The following WT1 variants were observed in gnomAD, a reference collection of about 807,000 sequenced individuals.
WT1 encodes the protein Wilms tumor protein.
A neutral mutation model predicts 60.8 loss-of-function variants in WT1; 8 were observed. The observed-to-expected ratio is 0.13, with a 90% CI of 0.08 to 0.24. The LOEUF (loss-of-function observed/expected upper bound fraction) is 0.24, where lower values mean the gene tolerates loss of function less well. Ranked by LOEUF, WT1 falls within the 10% of genes least tolerant of loss-of-function variation. The pLI, the probability that WT1 is intolerant of heterozygous loss-of-function variation, is 1.00. For synonymous variants in WT1, 312 were observed against 297.1 expected (o/e 1.05, Z -0.52); for missense variants, 568 against 711.8 (o/e 0.80, Z 2.30).
At chr11:32,399,547 T>C (rs1330096126) in intron 6 of WT1, among the ~76,000 whole-genome samples, 1 of 152,220 alleles carries the variant, frequency 6.6e-6, no homozygotes, top group Non-Finnish European at 1.5e-5. Flanking sequence ...ATGATGATCA[T>C]CAACACTTGG....
At chr11:32,400,891 G>A (rs1385971239) in intron 5 of WT1, among the ~76,000 whole-genome samples, 2 of 152,206 alleles carry the variant, frequency 1.3e-5, no homozygotes, top group Non-Finnish European at 2.9e-5. Context: ...ACCGAGGAGA[G>A]CTCTTATGAA....
intron 4 of WT1, 65 bp from the exon 5 acceptor site, chr11:32,416,605 A>T: frequency 6.3e-7 from 1 of 1,593,074 alleles, no homozygotes; most frequent in Non-Finnish European, 8.6e-7. Flanking sequence ...AGCCCCCCAG[A>T]TCCCAGAATC....
chr11:32,391,455 C>T (rs748621568), intron 9 of WT1, among the ~76,000 whole-genome samples: 1 of 152,212 alleles, frequency 6.6e-6, no homozygotes, highest in South Asian at 2.1e-4. Context: ...ATGCCCTATT[C>T]TCCTCTCTGT....
At chr11:32,426,445 C>T (rs1853038835) in intron 3 of WT1, among the ~76,000 whole-genome samples, 1 of 152,206 alleles carries the variant, frequency 6.6e-6, no homozygotes, top group African/African-American at 2.4e-5. Context: ...AGAATAGGTG[C>T]GAATCCTGCC....
chr11:32,416,569 G>A (rs1426984902), intron 4 of WT1, 29 bp from the exon 5 acceptor site: 2 of 1,613,780 alleles, frequency 1.2e-6, no homozygotes, highest in African/African-American at 1.3e-5. Flanking sequence ...TGGGGAGTGG[G>A]GAATGGAGCA....
intron 3 of WT1, among the ~76,000 whole-genome samples, chr11:32,426,194 G>T (rs1422812512): frequency 6.6e-6 from 1 of 152,018 alleles, no homozygotes; most frequent in South Asian, 2.1e-4. Flanking sequence ...CTCCCATATC[G>T]ACAGTGCCCA....
chr11:32,428,990 G>A (rs1233312929), intron 1 of WT1: 1 of 350,898 alleles, frequency 2.8e-6, no homozygotes, highest in Non-Finnish European at 5.5e-6. Flanking sequence ...ATAAACTGCA[G>A]CTCTTCCGCA....
chr11:32,428,072 C>T lies in WT1; in HGVS notation c.785-14G>A, dbSNP rs375514482. ...ACTGCTGCTCACCTGCAGAGAGAAC[C>T]GAAGACAGCTGAGCGAGTGCGCCCC... On this transcript the variant is annotated splice_polypyrimidine_tract_variant and intron_variant, in intron 2 of 9. Coordinates refer to ENST00000452863, the MANE Select transcript of WT1 (RefSeq NM_024426.6). The T allele has an allele frequency of 1.3e-5, 20 of 1,589,420 alleles. No homozygotes were observed. The highest frequency in any genetic ancestry group is 1.0e-4 in the Admixed American group (6 of 58,192).
intron 1 of WT1, chr11:32,428,846 C>A: frequency 1.6e-6 from 1 of 632,294 alleles, no homozygotes; most frequent in Non-Finnish European, 2.8e-6. Flanking sequence ...TGACTAAAAC[C>A]CCCACCTCGC....
chr11:32,416,720 C>T (rs751691720), intron 4 of WT1, among the ~76,000 whole-genome samples, 180 bp from the exon 5 acceptor site: 5 of 152,182 alleles, frequency 3.3e-5, no homozygotes, highest in Non-Finnish European at 5.9e-5. Context: ...AAGGCACCAC[C>T]GGAGGCTGCA....
chr11:32,387,992 A>C lies in WT1; in HGVS notation c.*1066T>G, dbSNP rs936717004. ...AATAAATTCCCTCCCTTAAAAAACA[A>C]AACACAACACAACACACACACACAC... On this transcript the variant is annotated 3_prime_UTR_variant, in exon 10 of 10. Transcript: ENST00000452863. The C allele has an allele frequency of 1.8e-5, 4 of 222,194 alleles. No individual in the cohort carries two copies. Among genetic ancestry groups the C allele is most frequent in the African/African-American group, 2.7e-5 (1 of 37,506 alleles). 13.8% of individuals were successfully genotyped at this position (222,194 alleles called of 1,614,324 possible). A position where few individuals can be genotyped will look rare whatever the true frequency, so the allele number is the denominator to read the frequency against.
At chr11:32,428,352 A>G in intron 2 of WT1, 145 bp downstream of exon 2, 7 of 1,418,252 alleles carry the variant, frequency 4.9e-6, no homozygotes, top group Non-Finnish European at 5.8e-6. Flanking sequence ...TTGTCCTTTA[A>G]ATACAGTGCC....
chr11:32,431,543 TC>T (rs1408527375), intron 1 of WT1, among the ~76,000 whole-genome samples: 6 of 151,596 alleles, frequency 4.0e-5, no homozygotes, highest in Non-Finnish European at 8.8e-5. Flanking sequence ...TTCAAACGAT[TC>T]TTGTGCCTCA....
At chr11:32,425,058 A>G (rs1027509914) in intron 3 of WT1, among the ~76,000 whole-genome samples, 2 of 151,980 alleles carry the variant, frequency 1.3e-5, no homozygotes, top group African/African-American at 4.8e-5. Flanking sequence ...AGCACCTATA[A>G]TCTCAGCTAC....
chr11:32,417,976 C>T (rs1852732214), intron 3 of WT1, among the ~76,000 whole-genome samples: 1 of 151,956 alleles, frequency 6.6e-6, no homozygotes, highest in South Asian at 2.1e-4. Context: ...TGAAAGGCAA[C>T]ACAGGCTGGA....
chr11:32,410,598 C>A (rs5030237), intron 5 of WT1, among the ~76,000 whole-genome samples: 4 of 152,094 alleles, frequency 2.6e-5, no homozygotes, highest in Non-Finnish European at 4.4e-5. Flanking sequence ...GGTGGTGAGA[C>A]AACAGATTAA....
At chr11:32,400,282 C>A (rs1852115344) in intron 5 of WT1, 1 of 594,004 alleles carries the variant, frequency 1.7e-6, no homozygotes, top group East Asian at 3.0e-5. Flanking sequence ...AGGCGTGCAC[C>A]GTCACGGTCT....
chr11:32,420,599 G>A (rs942550503), intron 3 of WT1, among the ~76,000 whole-genome samples: 3 of 152,086 alleles, frequency 2.0e-5, no homozygotes. Context: ...GATGCCCAGT[G>A]CTGGCATGCC....
At chr11:32,433,442 G>T (rs1853375813) in intron 1 of WT1, among the ~76,000 whole-genome samples, 1 of 152,178 alleles carries the variant, frequency 6.6e-6, no homozygotes, top group Non-Finnish European at 1.5e-5. Context: ...GGGTGAAGGC[G>T]GGCAACAAGG....
Sources: gnomAD v4.1 joint callset for allele counts (sites outside exome capture counted in the v4.1 genomes callset) on GRCh38, gnomAD v4.1.1 for gene constraint, MANE v1.5 for transcripts, NCBI Gene and HGNC (gene_info 2026-07-23, HGNC 2026-07-21) for gene names.